The following ABCA10 variants were observed in gnomAD, a reference collection of about 807,000 sequenced individuals.
The protein encoded by ABCA10 is ATP-binding cassette sub-family A member 10.
In ABCA10, 169 loss-of-function variants were observed where a neutral mutation model predicts 187.5. That is an observed-to-expected ratio of 0.90 (90% CI 0.80 to 1.02). The LOEUF is 1.02. ABCA10 is among the 50% of genes least tolerant of loss of function. The pLI, the probability that ABCA10 is intolerant of heterozygous loss-of-function variation, is 0.00. For missense variants in ABCA10, 1,727 were observed against 1,812.4 expected, an observed-to-expected ratio of 0.95 and a Z score of 0.86; for synonymous variants, 574 against 601.8, an observed-to-expected ratio of 0.95 and a Z score of 0.68.
chr17:69,219,910 T>C, intron 5 of ABCA10, 139 bp from the exon 6 acceptor site: 2 of 630,494 alleles, frequency 3.2e-6, no homozygotes, highest in Non-Finnish European at 5.1e-6. Flanking sequence ...CAGAACAATC[T>C]TAATAACTTT....
intron 19 of ABCA10, among the ~76,000 whole-genome samples, chr17:69,187,322 T>C (rs1194068487): frequency 6.6e-6 from 1 of 152,182 alleles, no homozygotes; most frequent in Non-Finnish European, 1.5e-5. Flanking sequence ...TGTACATGCC[T>C]GAGGACTTTC....
At position 69,153,607 on chromosome 17, in the gene ABCA10, C is replaced by T. The variant is rs1359527909; in HGVS notation, c.3966-61G>A. On this transcript the variant is annotated intron_variant, in intron 32 of 38. Coordinates refer to ENST00000690296, the MANE Select transcript of ABCA10 (RefSeq NM_001377321.1). ...TGGCAAATGGACCTATCTAAAACAA[C>T]TGTAGGAAACTCTAAGCACTATTAT... The T allele has an allele frequency of 4.4e-6, 7 of 1,580,450 alleles. No individual in the cohort carries two copies. In the Admixed American group the frequency reaches 1.1e-4, roughly 24 times the overall value.
intron 29 of ABCA10, 152 bp from the exon 30 acceptor site, chr17:69,155,288 T>C (rs910401200): frequency 8.5e-6 from 5 of 588,104 alleles, no homozygotes; most frequent in Middle Eastern, 4.6e-4. Context: ...AATACCCAAA[T>C]GTATGTTCAT....
chr17:69,155,708 A>G, intron 29 of ABCA10, 97 bp downstream of exon 29: 1 of 1,427,208 alleles, frequency 7.0e-7, no homozygotes, highest in Non-Finnish European at 9.4e-7. Flanking sequence ...TATTAAAGAA[A>G]CTAAAGCAGC....
At chr17:69,195,557 T>TTC (rs1374753198) in intron 11 of ABCA10, among the ~76,000 whole-genome samples, 1 of 142,362 alleles carries the variant, frequency 7.0e-6, no homozygotes, top group Non-Finnish European at 1.5e-5. Context: ...AGTTTTTCTT[T>TTC]TTTTTTTTTT....
intron 9 of ABCA10, among the ~76,000 whole-genome samples, chr17:69,203,196 T>A (rs2074561221): frequency 6.6e-6 from 1 of 152,016 alleles, no homozygotes; most frequent in South Asian, 2.1e-4. Context: ...AGAGAAGAAA[T>A]GTTCAAAGAT....
In ABCA10 at chr17:69,159,249, T is replaced by C. The variant is rs181210640; in HGVS notation, c.3364-2326A>G. ...ACTCAAATACAGACTTTCTATTATA[T>C]AATTGATCTGAAGAACAGAAAGAAA... On this transcript the variant is annotated intron_variant, in intron 27 of 38. Coordinates refer to ENST00000690296, the MANE Select transcript of ABCA10 (RefSeq NM_001377321.1). Among the ~76,000 whole-genome samples, 361 of 152,176 alleles carry C rather than the reference T, an allele frequency of 2.4e-3. 2 individuals carry two copies. The highest frequency in any genetic ancestry group is 8.4e-3 in the African/African-American group (351 of 41,558).
chr17:69,234,784 A>G (rs1211816905), intron 1 of ABCA10: 2 of 152,250 alleles, frequency 1.3e-5, no homozygotes, highest in African/African-American at 4.8e-5. Context: ...GAGCAATGAA[A>G]CAATGGCGTT....
intron 23 of ABCA10, 26 bp downstream of exon 23, chr17:69,175,380 T>G (rs1398063874): frequency 1.3e-6 from 2 of 1,571,056 alleles, no homozygotes; most frequent in Non-Finnish European, 1.7e-6. Context: ...TCAATCTCAA[T>G]CTAATTTCCT....
At chr17:69,182,859 A>C in intron 20 of ABCA10, 51 bp from the exon 21 acceptor site, 1 of 1,534,108 alleles carries the variant, frequency 6.5e-7, no homozygotes. Flanking sequence ...AAGCAAGAAA[A>C]TCAAAGTCAA....
rs1030508900 is a variant in ABCA10 at position 69,177,188 on chromosome 17, T to C, written c.2770-1675A>G. Among the ~76,000 whole-genome samples the C allele has an allele frequency of 3.3e-5, 5 of 152,340 alleles. No individual in the cohort carries two copies. In the East Asian group the frequency reaches 5.8e-4, roughly 18 times the overall value. Reference sequence around the variant, plus strand: ...AACTAATACTAGCATCTCCTCCAAATAAACTTTCCTTTTCAACTTCCCCAT... The same window carrying C: ...AACTAATACTAGCATCTCCTCCAAACAAACTTTCCTTTTCAACTTCCCCAT... On this transcript the variant is annotated intron_variant, in intron 22 of 38. Transcript: ENST00000690296.
chr17:69,155,824 G>A lies in ABCA10; in HGVS notation c.3557C>T (p.Thr1186Ile). 1.2e-6 allele frequency: 2 copies of A among 1,613,702 alleles called. No homozygotes were observed. Among genetic ancestry groups the A allele is most frequent in the Non-Finnish European group, 8.5e-7 (1 of 1,179,720 alleles). Reference protein sequence around the residue: ...AERVQAANALTAPNLEEEPVI... With the variant: ...AERVQAANALIAPNLEEEPVI... ...GTTCACCTCCTCCAAGTTTGGAGCA[G>A]TGAGTGCATTTGCTGCTTGGACTCT... Residue 1186 changes from threonine (T) to isoleucine (I), a missense_variant, in exon 29 of 39, where the codon ACT becomes ATT. Transcript: ENST00000690296.
chr17:69,213,437 A>G (rs1047802595), intron 9 of ABCA10, among the ~76,000 whole-genome samples: 1 of 152,064 alleles, frequency 6.6e-6, no homozygotes, highest in Admixed American at 6.5e-5. Context: ...TCTCAGACCA[A>G]CGGTGTTATG....
intron 1 of ABCA10, among the ~76,000 whole-genome samples, chr17:69,241,070 T>C (rs2074900742): frequency 6.6e-6 from 1 of 152,160 alleles, no homozygotes. Context: ...ACTTAACAAA[T>C]ACAAAACTGA....
intron 1 of ABCA10, chr17:69,234,799 G>A (rs1598132660): frequency 6.6e-6 from 1 of 152,314 alleles, no homozygotes; most frequent in East Asian, 1.9e-4. Flanking sequence ...GGCGTTCACA[G>A]AGTAAACCTT....
At chr17:69,175,034 G>A (rs2074324494) in intron 23 of ABCA10, among the ~76,000 whole-genome samples, 1 of 152,062 alleles carries the variant, frequency 6.6e-6, no homozygotes, top group African/African-American at 2.4e-5. Flanking sequence ...TATTTTTAAA[G>A]CCCAGTTTAT....
chr17:69,241,023 T>C (rs2074900467), intron 1 of ABCA10, among the ~76,000 whole-genome samples: 2 of 152,220 alleles, frequency 1.3e-5, no homozygotes, highest in South Asian at 2.1e-4. Flanking sequence ...CTTTGCTCAC[T>C]GGACATCTCC....
chr17:69,160,687 T>A (rs7216499), intron 27 of ABCA10, among the ~76,000 whole-genome samples: 2,609 of 152,126 alleles, frequency 0.017, 68 homozygotes, highest in African/African-American at 0.059. Context: ...ACATTAAATG[T>A]CAATGAAACG....
At chr17:69,215,733 A>C in intron 8 of ABCA10, 82 bp downstream of exon 8, 1 of 1,251,392 alleles carries the variant, frequency 8.0e-7, no homozygotes, top group Non-Finnish European at 1.0e-6. Context: ...CTGATTATTA[A>C]ATTTCATGAG....
Sources: allele counts gnomAD v4.1 joint callset (sites outside exome capture counted in the v4.1 genomes callset), GRCh38; gene constraint gnomAD v4.1.1; transcripts MANE v1.5; gene names NCBI Gene and HGNC (gene_info 2026-07-23, HGNC 2026-07-21).